SLC38A9: variants seen among roughly 807,000 people sequenced by gnomAD.
SLC38A9 encodes the protein neutral amino acid transporter 9.
In SLC38A9, 48 loss-of-function variants were observed where a neutral mutation model predicts 62.3. That is an observed-to-expected ratio of 0.77 (90% CI 0.61 to 0.98). The LOEUF (loss-of-function observed/expected upper bound fraction) is 0.98. Among genes scored for constraint, SLC38A9 ranks in the 50% least tolerant of loss-of-function variants. SLC38A9 has a pLI of 0.00. For missense variants in SLC38A9, 541 were observed against 679.8 expected (o/e 0.80, Z 2.27); for synonymous variants, 204 against 227.7 (o/e 0.90, Z 0.94).
intron 9 of SLC38A9, among the ~76,000 whole-genome samples, chr5:55,656,456 G>A (rs928938934): frequency 1.3e-5 from 2 of 151,756 alleles, no homozygotes; most frequent in South Asian, 2.1e-4. Flanking sequence ...GGATACTGTA[G>A]ATAAAATTGT....
chr5:55,668,753 TAC>T (rs1205198335), intron 7 of SLC38A9, among the ~76,000 whole-genome samples: 1 of 152,228 alleles, frequency 6.6e-6, no homozygotes, highest in East Asian at 1.9e-4. Context: ...AATTTGTAGA[TAC>T]GAGTAGAGGT....
rs779757023 is a variant in SLC38A9, at chr5:55,633,739, G to A, written c.1430+15C>T. 2 of 1,613,962 alleles carry A rather than the reference G, an allele frequency of 1.2e-6. No homozygotes were observed. Among genetic ancestry groups the A allele is most frequent in the Non-Finnish European group, 1.7e-6 (2 of 1,180,012 alleles). ...TTGCTTGGCACATCCTGCTGGTCAA[G>A]AGAAGAGCCCTTACCTAGGATAAAT... On this transcript the variant is annotated intron_variant, in intron 14 of 15. Coordinates refer to ENST00000396865, the MANE Select transcript of SLC38A9 (RefSeq NM_173514.4).
At chr5:55,677,781 T>C (rs537773972) in intron 3 of SLC38A9, among the ~76,000 whole-genome samples, 2 of 151,934 alleles carry the variant, frequency 1.3e-5, no homozygotes, top group Non-Finnish European at 1.5e-5. Context: ...CTCCTGCCTC[T>C]GTCTCCCAAA....
chr5:55,647,519 CA>C (rs1202746656), intron 11 of SLC38A9, among the ~76,000 whole-genome samples: 14 of 152,240 alleles, frequency 9.2e-5, no homozygotes, highest in African/African-American at 3.4e-4. Flanking sequence ...ATAAAATAAA[CA>C]AATCTAAATA....
intron 11 of SLC38A9, among the ~76,000 whole-genome samples, chr5:55,648,583 G>T (rs1746802926): frequency 6.6e-6 from 1 of 152,050 alleles, no homozygotes; most frequent in Non-Finnish European, 1.5e-5. Context: ...TTCATATTTG[G>T]AATGTGTAAA....
At chr5:55,647,374 A>T (rs1442811666) in intron 11 of SLC38A9, among the ~76,000 whole-genome samples, 1 of 152,200 alleles carries the variant, frequency 6.6e-6, no homozygotes, top group African/African-American at 2.4e-5. Context: ...TTTACTTGAA[A>T]ATACTGCTGG....
At chr5:55,659,926 C>T (rs181424098) in intron 8 of SLC38A9, among the ~76,000 whole-genome samples, 68 of 151,384 alleles carry the variant, frequency 4.5e-4, no homozygotes, top group African/African-American at 1.5e-3. Flanking sequence ...CCACCATGCC[C>T]GGCTAATTTT....
intron 14 of SLC38A9, among the ~76,000 whole-genome samples, chr5:55,629,831 AG>A (rs1294637589): frequency 1.3e-5 from 2 of 152,250 alleles, no homozygotes; most frequent in African/African-American, 4.8e-5. Flanking sequence ...TGAGCTTGAC[AG>A]TTTCCCAATG....
chr5:55,696,099 G>C (rs1327614890), intron 3 of SLC38A9: 6 of 58,378 alleles, frequency 1.0e-4, no homozygotes, highest in African/African-American at 3.1e-4. Context: ...CCTCCCGGAC[G>C]GGGCGGCTGG....
intron 9 of SLC38A9, among the ~76,000 whole-genome samples, chr5:55,655,442 G>T (rs1748226933): frequency 6.6e-5 from 10 of 152,082 alleles, no homozygotes; most frequent in Admixed American, 6.6e-4. Context: ...TAAATACAAG[G>T]ATGTTATTTG....
At chr5:55,672,952 A>G (rs1413259816) in intron 3 of SLC38A9, 1 of 355,628 alleles carries the variant, frequency 2.8e-6, no homozygotes, top group Non-Finnish European at 5.0e-6. Flanking sequence ...AACCGAGAAG[A>G]CAAAACAGAA....
At chr5:55,655,233 G>A (rs11739306) in intron 9 of SLC38A9, among the ~76,000 whole-genome samples, 83,041 of 151,820 alleles carry the variant, frequency 0.55, 24,040 homozygotes, top group South Asian at 0.65. Context: ...AAATCAAGAA[G>A]TGCTGGATAT....
chr5:55,676,345 A>T (rs768088131), intron 3 of SLC38A9, among the ~76,000 whole-genome samples: 6 of 151,932 alleles, frequency 3.9e-5, no homozygotes, highest in Non-Finnish European at 7.4e-5. Flanking sequence ...CCGTCTAATT[A>T]AAAAAAATTT....
At chr5:55,710,604 T>C (rs1318401525) in intron 2 of SLC38A9, among the ~76,000 whole-genome samples, 6 of 152,086 alleles carry the variant, frequency 3.9e-5, no homozygotes, top group African/African-American at 1.4e-4. Flanking sequence ...ATTGAAACTT[T>C]TTTTGTTTAG....
At chr5:55,651,776 A>T (rs1216866855) in intron 10 of SLC38A9, among the ~76,000 whole-genome samples, 1 of 152,210 alleles carries the variant, frequency 6.6e-6, no homozygotes, top group African/African-American at 2.4e-5. Flanking sequence ...ACTGTAGGAA[A>T]AAACATTCTA....
At chr5:55,629,293 G>A (rs544540360) in intron 14 of SLC38A9, among the ~76,000 whole-genome samples, 1 of 152,086 alleles carries the variant, frequency 6.6e-6, no homozygotes, top group East Asian at 1.9e-4. Context: ...CTTACTGAAG[G>A]CTTGAACTTC....
At chr5:55,638,873 C>T (rs1451593711) in intron 12 of SLC38A9, among the ~76,000 whole-genome samples, 1 of 152,116 alleles carries the variant, frequency 6.6e-6, no homozygotes, top group Non-Finnish European at 1.5e-5. Context: ...AAAAGAAGCA[C>T]TTAGAGGTTC....
In SLC38A9 at chr5:55,638,038, C is replaced by T. The variant is rs143689650; in HGVS notation, c.1168-2381G>A. 1.9e-4 allele frequency among the ~76,000 whole-genome samples: 29 copies of T among 152,232 alleles called. No homozygotes were observed. In the East Asian group the frequency reaches 5.0e-3, roughly 26 times the overall value. ...TAACAACTATACAACAGAACACATA[C>T]AGGGATGCTTCCATTTTGAGATACT... On this transcript the variant is annotated intron_variant, in intron 12 of 15. Coordinates refer to ENST00000396865, the MANE Select transcript of SLC38A9 (RefSeq NM_173514.4).
At chr5:55,705,654 T>C (rs933868441) in intron 2 of SLC38A9, among the ~76,000 whole-genome samples, 1 of 152,092 alleles carries the variant, frequency 6.6e-6, no homozygotes, top group Non-Finnish European at 1.5e-5. Context: ...TCAGGTCTTC[T>C]TTGTTTAGTT....
Sources: gnomAD v4.1 joint callset for allele counts (sites outside exome capture counted in the v4.1 genomes callset) on GRCh38, gnomAD v4.1.1 for gene constraint, MANE v1.5 for transcripts, NCBI Gene and HGNC (gene_info 2026-07-23, HGNC 2026-07-21) for gene names.